Variants in ARL15 observed in about 807,000 individuals in gnomAD.
The protein encoded by ARL15 is ADP-ribosylation factor-like protein 15.
ARL15 carries 19 observed loss-of-function variants against 25.2 expected under a neutral mutation model. The observed-to-expected ratio is 0.75, with a 90% CI of 0.53 to 1.10. The LOEUF is 1.10. ARL15 is among the 50% of genes least tolerant of loss of function. The probability of loss-of-function intolerance (pLI) is 0.00; values close to 1 mark genes in which losing one functional copy is unlikely to be tolerated. For synonymous variants in ARL15, 94 were observed against 86.8 expected, an observed-to-expected ratio of 1.08 and a Z score of -0.46; for missense variants, 220 against 246.0, an observed-to-expected ratio of 0.89 and a Z score of 0.71.
chr5:54,127,480 C>T (rs1183718339), intron 3 of ARL15, among the ~76,000 whole-genome samples: 11 of 151,668 alleles, frequency 7.3e-5, no homozygotes, highest in Non-Finnish European at 1.6e-4. Flanking sequence ...AGGACCTCTT[C>T]AAGGAGAACT....
At chr5:53,932,826 AT>A (rs1408020494) in intron 4 of ARL15, among the ~76,000 whole-genome samples, 20 of 152,300 alleles carry the variant, frequency 1.3e-4, no homozygotes, top group Admixed American at 1.1e-3. Flanking sequence ...TAAATGTGAG[AT>A]CCTCAAAGAC....
intron 4 of ARL15, among the ~76,000 whole-genome samples, chr5:53,982,036 C>T (rs1748136601): frequency 6.6e-6 from 1 of 152,006 alleles, no homozygotes; most frequent in Non-Finnish European, 1.5e-5. Context: ...ATCTTGGAAC[C>T]AAGAGAGAAC....
At chr5:54,099,011 G>T (rs1009541623) in intron 4 of ARL15, among the ~76,000 whole-genome samples, 10 of 152,128 alleles carry the variant, frequency 6.6e-5, no homozygotes, top group Non-Finnish European at 1.2e-4. Flanking sequence ...AGCCTTCAAA[G>T]AGGGGAAACA....
intron 1 of ARL15, among the ~76,000 whole-genome samples, chr5:54,281,004 A>G (rs1758046280): frequency 6.6e-6 from 1 of 152,146 alleles, no homozygotes; most frequent in Non-Finnish European, 1.5e-5. Flanking sequence ...AACATCTTAA[A>G]ATATTCATTT....
intron 3 of ARL15, among the ~76,000 whole-genome samples, chr5:54,126,001 A>G (rs376478438): frequency 6.5e-4 from 99 of 152,272 alleles, no homozygotes; most frequent in African/African-American, 2.3e-3. Context: ...GCCGGGTGCC[A>G]TGTGTTGCGC....
chr5:53,905,250 A>G (rs1332273550), intron 4 of ARL15, among the ~76,000 whole-genome samples: 1 of 152,110 alleles, frequency 6.6e-6, no homozygotes, highest in Non-Finnish European at 1.5e-5. Context: ...AGTGTCTATC[A>G]CCTCAAATCC....
intron 1 of ARL15, among the ~76,000 whole-genome samples, chr5:54,181,258 C>A (rs1755047249): frequency 6.6e-6 from 1 of 151,920 alleles, no homozygotes; most frequent in Non-Finnish European, 1.5e-5. Context: ...ATTGTAATGG[C>A]TTGAAGGGAA....
At chr5:54,202,069 T>C (rs1755740407) in intron 1 of ARL15, among the ~76,000 whole-genome samples, 1 of 152,182 alleles carries the variant, frequency 6.6e-6, no homozygotes, top group Admixed American at 6.5e-5. Flanking sequence ...GCTCTCTCTT[T>C]AGCTCAATAA....
intron 4 of ARL15, chr5:53,951,612 CT>C (rs778078146): frequency 2.2e-6 from 1 of 463,422 alleles, no homozygotes; most frequent in South Asian, 1.6e-5. Flanking sequence ...TTTGGAAAAC[CT>C]TACTTACTCC....
chr5:54,021,388 T>C (rs1036792472), intron 4 of ARL15, among the ~76,000 whole-genome samples: 1 of 151,846 alleles, frequency 6.6e-6, no homozygotes, highest in Admixed American at 6.6e-5. Context: ...TAAAGAAGCA[T>C]AAAACAAAAG....
At chr5:54,151,385 A>G (rs1472493421) in intron 3 of ARL15, among the ~76,000 whole-genome samples, 1 of 152,020 alleles carries the variant, frequency 6.6e-6, no homozygotes, top group Non-Finnish European at 1.5e-5. Context: ...AATTTTCACT[A>G]ATTTCCTATT....
chr5:54,216,916 T>A (rs1756224500), intron 1 of ARL15, among the ~76,000 whole-genome samples: 1 of 152,150 alleles, frequency 6.6e-6, no homozygotes. Context: ...CTATTCTACC[T>A]GCTAATGCCT....
chr5:54,226,606 A>G (rs867900817), intron 1 of ARL15, among the ~76,000 whole-genome samples: 1 of 152,176 alleles, frequency 6.6e-6, no homozygotes, highest in Non-Finnish European at 1.5e-5. Flanking sequence ...AATTTCAAAG[A>G]CTGTTAAAAA....
chr5:54,227,607 G>C (rs186643781), intron 1 of ARL15, among the ~76,000 whole-genome samples: 5 of 152,176 alleles, frequency 3.3e-5, no homozygotes, highest in African/African-American at 1.2e-4. Context: ...AGGAGACAGC[G>C]CAGTTCAGAA....
At chr5:54,140,944 C>A (rs1753760322) in intron 3 of ARL15, among the ~76,000 whole-genome samples, 1 of 152,124 alleles carries the variant, frequency 6.6e-6, no homozygotes, top group Non-Finnish European at 1.5e-5. Flanking sequence ...AATGTCATTA[C>A]CGTTTTTTCC....
chr5:54,194,306 G>A (rs1198982142), intron 1 of ARL15, among the ~76,000 whole-genome samples: 2 of 152,078 alleles, frequency 1.3e-5, no homozygotes, highest in African/African-American at 4.8e-5. Context: ...ATTCCTGGAA[G>A]AACATAGGCA....
At chr5:53,955,991 TGTTGTTGTTGTC>T (rs1282188494) in intron 4 of ARL15, among the ~76,000 whole-genome samples, 2 of 152,120 alleles carry the variant, frequency 1.3e-5, no homozygotes, top group Non-Finnish European at 2.9e-5. Flanking sequence ...AGAGAGTTGT[TGTTGTTGTTGTC>T]GTTGTTTTGA....
At chr5:53,890,614 C>A (rs1371775698) in intron 4 of ARL15, among the ~76,000 whole-genome samples, 2 of 152,184 alleles carry the variant, frequency 1.3e-5, no homozygotes, top group African/African-American at 2.4e-5. Context: ...AGGAAAGCCA[C>A]AGAGAGTGGG....
At chr5:54,088,853 T>C (rs116003488) in intron 4 of ARL15, among the ~76,000 whole-genome samples, 1 of 152,232 alleles carries the variant, frequency 6.6e-6, no homozygotes. Flanking sequence ...ATTTTGGAAG[T>C]GAATTTTGTA....
Sources: gnomAD v4.1 joint callset for allele counts (sites outside exome capture counted in the v4.1 genomes callset) on GRCh38, gnomAD v4.1.1 for gene constraint, MANE v1.5 for transcripts, NCBI Gene and HGNC (gene_info 2026-07-23, HGNC 2026-07-21) for gene names.